ALK: variants seen among roughly 807,000 people sequenced by gnomAD.
ALK encodes the protein ALK tyrosine kinase receptor.
ALK carries 74 observed loss-of-function variants against 163.1 expected under a neutral mutation model. The observed-to-expected ratio is 0.45, with a 90% confidence interval of 0.38 to 0.55. The LOEUF is 0.55. Among genes scored for constraint, ALK ranks in the 20% least tolerant of loss-of-function variants. The probability of loss-of-function intolerance (pLI) is 0.00; values close to 1 mark genes in which losing one functional copy is unlikely to be tolerated. For synonymous variants in ALK, 960 were observed against 843.2 expected (o/e 1.14, Z -2.40); for missense variants, 2,063 against 2,105.3 (o/e 0.98, Z 0.39).
chr2:29,485,490 CT>C (rs1162886745), intron 4 of ALK, among the ~76,000 whole-genome samples: 3 of 152,160 alleles, frequency 2.0e-5, no homozygotes, highest in Non-Finnish European at 1.5e-5. Context: ...GATTTCCTCC[CT>C]GTATCTATTC....
At chr2:29,873,806 C>T (rs76872536) in intron 1 of ALK, among the ~76,000 whole-genome samples, 18,366 of 151,748 alleles carry the variant, frequency 0.12, 1,403 homozygotes, top group Non-Finnish European at 0.16. Context: ...CATCATTACC[C>T]AGGATAGCAG....
At chr2:29,257,134 A>G (rs1398027511) in intron 11 of ALK, among the ~76,000 whole-genome samples, 1 of 152,024 alleles carries the variant, frequency 6.6e-6, no homozygotes, top group Non-Finnish European at 1.5e-5. Flanking sequence ...GGATGATCAA[A>G]TGGTCCCCAG....
At chr2:29,742,904 G>A (rs999278845) in intron 1 of ALK, among the ~76,000 whole-genome samples, 2 of 152,204 alleles carry the variant, frequency 1.3e-5, no homozygotes, top group Non-Finnish European at 1.5e-5. Context: ...TCATGTGCCA[G>A]CCACCTTTCA....
chr2:29,685,535 T>C (rs192347139), intron 3 of ALK, among the ~76,000 whole-genome samples: 178 of 152,268 alleles, frequency 1.2e-3, no homozygotes, highest in African/African-American at 4.1e-3. Flanking sequence ...CCAGCCAGAA[T>C]TCATTGGATA....
chr2:29,632,554 G>GGAAGAT (rs1352535029), intron 3 of ALK, among the ~76,000 whole-genome samples: 6 of 152,254 alleles, frequency 3.9e-5, no homozygotes, highest in African/African-American at 1.2e-4. Flanking sequence ...AAGAGGAAGA[G>GGAAGAT]AAAAATCTTT....
At chr2:29,811,722 C>T (rs990739234) in intron 1 of ALK, among the ~76,000 whole-genome samples, 2 of 152,226 alleles carry the variant, frequency 1.3e-5, no homozygotes, top group Non-Finnish European at 2.9e-5. Context: ...TGTAATCTTT[C>T]TGCTCCTCCA....
intron 26 of ALK, 55 bp from the exon 27 acceptor site, chr2:29,197,731 A>G (rs2148143798): frequency 8.6e-7 from 1 of 1,167,634 alleles, no homozygotes; most frequent in East Asian, 2.6e-5. Context: ...ACCCACATTC[A>G]CACACACACA....
At chr2:29,342,555 G>A (rs1442160123) in intron 5 of ALK, among the ~76,000 whole-genome samples, 3 of 152,190 alleles carry the variant, frequency 2.0e-5, no homozygotes, top group Non-Finnish European at 4.4e-5. Context: ...TTACTGAACT[G>A]CACACATAGA....
intron 1 of ALK, among the ~76,000 whole-genome samples, chr2:29,864,639 TG>T (rs1666379434): frequency 6.6e-6 from 1 of 152,218 alleles, no homozygotes; most frequent in South Asian, 2.1e-4. Flanking sequence ...TTAATGTATT[TG>T]CATAGTATTT....
At chr2:29,318,879 T>C (rs1237760687) in intron 7 of ALK, among the ~76,000 whole-genome samples, 1 of 152,206 alleles carries the variant, frequency 6.6e-6, no homozygotes, top group Non-Finnish European at 1.5e-5. Flanking sequence ...AATTTCATTC[T>C]AAACTGCCTG....
At chr2:29,667,498 C>T (rs1296924439) in intron 3 of ALK, among the ~76,000 whole-genome samples, 3 of 151,656 alleles carry the variant, frequency 2.0e-5, no homozygotes, top group Non-Finnish European at 2.9e-5. Flanking sequence ...CTTCTATCTC[C>T]ACTTTGATGA....
intron 3 of ALK, among the ~76,000 whole-genome samples, chr2:29,693,102 G>A (rs1281778200): frequency 6.6e-5 from 10 of 152,104 alleles, no homozygotes; most frequent in African/African-American, 1.4e-4. Context: ...ACCTTGGAGG[G>A]TGGGGAAAAG....
At chr2:29,201,150 G>GA (rs2148147033) in intron 26 of ALK, among the ~76,000 whole-genome samples, 1 of 151,636 alleles carries the variant, frequency 6.6e-6, no homozygotes, top group East Asian at 1.9e-4. Flanking sequence ...ATGCTCTTAG[G>GA]AAAAATGGGA....
At chr2:29,577,553 A>G (rs1674558571) in intron 3 of ALK, among the ~76,000 whole-genome samples, 1 of 152,176 alleles carries the variant, frequency 6.6e-6, no homozygotes, top group South Asian at 2.1e-4. Flanking sequence ...CCATGACGAT[A>G]AAGGATTAGT....
chr2:29,663,837 T>G (rs1677426393), intron 3 of ALK, among the ~76,000 whole-genome samples: 2 of 152,186 alleles, frequency 1.3e-5, no homozygotes, highest in African/African-American at 4.8e-5. Context: ...AAGGTCAGTA[T>G]ATGTATAATG....
In ALK at chr2:29,332,324, A is replaced by G. The variant is rs909715083; in HGVS notation, c.1283-3843T>C. Among the ~76,000 whole-genome samples, 3 of 126,408 alleles carry G rather than the reference A, an allele frequency of 2.4e-5. No homozygotes were observed. In the East Asian group the frequency reaches 8.0e-4, roughly 34 times the overall value. 82.9% of individuals were successfully genotyped at this position (126,408 alleles called of 152,430 possible). On this transcript the variant is annotated intron_variant, in intron 5 of 28. Transcript: ENST00000389048. ...AAAAAAAAAAAAAAAAAAAAAAAAA[A>G]GTCTATGAGGTCTCCCTCAACCTCC...
chr2:29,588,921 C>T (rs1253265469), intron 3 of ALK, among the ~76,000 whole-genome samples: 1 of 152,212 alleles, frequency 6.6e-6, no homozygotes, highest in East Asian at 1.9e-4. Context: ...GCTGTTTCAG[C>T]ACCTTACTGA....
intron 1 of ALK, among the ~76,000 whole-genome samples, chr2:29,857,321 G>T (rs1417165849): frequency 6.6e-6 from 1 of 152,148 alleles, no homozygotes; most frequent in African/African-American, 2.4e-5. Flanking sequence ...TTAAAACTCA[G>T]GGAATTCATC....
chr2:29,510,032 G>C (rs571230754), intron 4 of ALK, among the ~76,000 whole-genome samples: 8 of 152,322 alleles, frequency 5.3e-5, no homozygotes, highest in African/African-American at 1.9e-4. Context: ...AAGGAAGCTT[G>C]ACACTGGGTT....
Sources: allele counts gnomAD v4.1 joint callset (sites outside exome capture counted in the v4.1 genomes callset), GRCh38; gene constraint gnomAD v4.1.1; transcripts MANE v1.5; gene names NCBI Gene and HGNC (gene_info 2026-07-23, HGNC 2026-07-21).